ATP8A2: variants seen among roughly 807,000 people sequenced by gnomAD.
ATP8A2 encodes phospholipid-transporting ATPase IB.
In ATP8A2, 100 loss-of-function variants were observed where a neutral mutation model predicts 165.6. The observed-to-expected ratio is 0.60, with a 90% CI of 0.51 to 0.71. ATP8A2 has a LOEUF of 0.71. Among genes scored for constraint, ATP8A2 ranks in the 30% least tolerant of loss-of-function variants. The pLI, the probability that ATP8A2 is intolerant of heterozygous loss-of-function variation, is 0.00. For missense variants in ATP8A2, 1,227 were observed against 1,479.5 expected, an observed-to-expected ratio of 0.83 and a Z score of 2.80; for synonymous variants, 543 against 548.8, an observed-to-expected ratio of 0.99 and a Z score of 0.15.
intron 24 of ATP8A2, among the ~76,000 whole-genome samples, chr13:25,648,001 A>G (rs2041719076): frequency 6.6e-6 from 1 of 151,838 alleles, no homozygotes; most frequent in Non-Finnish European, 1.5e-5. Flanking sequence ...TTATTTCTTT[A>G]AATATGCTTT....
intron 25 of ATP8A2, among the ~76,000 whole-genome samples, chr13:25,757,093 A>T (rs1252336002): frequency 2.0e-5 from 3 of 152,098 alleles, no homozygotes; most frequent in African/African-American, 7.2e-5. Flanking sequence ...CTCTAGGGAG[A>T]CAATACACCT....
In ATP8A2 at chr13:25,543,375, T is replaced by C; in HGVS notation, c.864T>C (p.Tyr288=). The change falls in exon 10 of 37, where the codon TAT becomes TAC. Residue 288 remains tyrosine, a synonymous_variant. Transcript: ENST00000381655. The stretch of plus-strand genomic sequence containing the variant: ...AGTGGGTCTTTGGCATAGTTGTTTA[T>C]ACTGGACACGACACCAAACTCATGC... ...NTQWVFGIVV[Y]TGHDTKLMQN... 1 of 1,611,038 alleles carries C rather than the reference T, an allele frequency of 6.2e-7. No individual in the cohort carries two copies. Among genetic ancestry groups the C allele is most frequent in the Non-Finnish European group, 8.5e-7 (1 of 1,177,454 alleles).
chr13:25,813,613 A>G (rs1336762149), intron 27 of ATP8A2, among the ~76,000 whole-genome samples: 1 of 140,250 alleles, frequency 7.1e-6, no homozygotes, highest in African/African-American at 2.7e-5. Flanking sequence ...AGGACACTGA[A>G]TGGAATCTTG....
At chr13:25,442,654 A>T (rs1451895444) in intron 1 of ATP8A2, among the ~76,000 whole-genome samples, 1 of 152,150 alleles carries the variant, frequency 6.6e-6, no homozygotes, top group African/African-American at 2.4e-5. Flanking sequence ...TTCTAGGCTC[A>T]AGTGATCCTC....
chr13:25,554,664 T>C (rs2038926910), intron 12 of ATP8A2, among the ~76,000 whole-genome samples: 1 of 151,950 alleles, frequency 6.6e-6, no homozygotes, highest in Non-Finnish European at 1.5e-5. Context: ...GTTCAAGCGA[T>C]TCTCATGCGT....
chr13:25,879,364 A>C (rs1257634907), intron 33 of ATP8A2, among the ~76,000 whole-genome samples: 1 of 152,170 alleles, frequency 6.6e-6, no homozygotes, highest in Non-Finnish European at 1.5e-5. Context: ...AACTTTATTA[A>C]ATATGCCAGC....
Position 25,699,276 on chromosome 13 carries a change from C to G in ATP8A2, c.2315C>G (p.Ala772Gly), listed in dbSNP as rs373188486. The G allele has an allele frequency of 1.2e-6, 2 of 1,613,634 alleles. No individual in the cohort carries two copies. The highest frequency in any genetic ancestry group is 1.7e-6 in the Non-Finnish European group (2 of 1,179,810). ...ATCGATGGCCACACCCTGAAGTACGCGCTCTCCTTCGAAGTCCGGAGGAGT... is the reference window on the plus strand; with the variant it reads ...ATCGATGGCCACACCCTGAAGTACGGGCTCTCCTTCGAAGTCCGGAGGAGT... ...LIIDGHTLKY[A>G]LSFEVRRSFL... The change falls in exon 25 of 37, where the codon GCG becomes GGG. Residue 772 changes from alanine (A) to glycine (G), a missense_variant. Physicochemically the swap from Ala to Gly is moderately conservative, Grantham distance 60. This residue lies in a region of ATP8A2 where 592 missense variants were observed against 785.6 expected (regional missense o/e 0.75). Coordinates refer to ENST00000381655, the MANE Select transcript of ATP8A2 (RefSeq NM_016529.6).
chr13:25,774,047 T>C (rs1034540881), intron 26 of ATP8A2, among the ~76,000 whole-genome samples: 4 of 152,228 alleles, frequency 2.6e-5, no homozygotes, highest in Non-Finnish European at 4.4e-5. Flanking sequence ...TGTGTTTGCT[T>C]AGAGATATCT....
rs1037175976 is a variant in ATP8A2 at position 25,953,616 on chromosome 13, G to A, written c.3184-7959G>A. 1.3e-5 allele frequency among the ~76,000 whole-genome samples: 2 copies of A among 151,152 alleles called. No homozygotes were observed. The highest frequency in any genetic ancestry group is 4.2e-4 in the South Asian group (2 of 4,760). ...TGTAGCTCCCAGGGAGATCAAGGCA[G>A]ACAGCGAGTGATTTCTGCATTTCCA... On this transcript the variant is annotated intron_variant, in intron 33 of 36. Coordinates refer to ENST00000381655, the MANE Select transcript of ATP8A2 (RefSeq NM_016529.6). The surrounding 1 kb of genome is among the most constrained non-coding windows in gnomAD (Gnocchi z 6.7).
At chr13:25,869,019 A>T (rs1018406992) in intron 33 of ATP8A2, among the ~76,000 whole-genome samples, 14 of 143,474 alleles carry the variant, frequency 9.8e-5, no homozygotes, top group African/African-American at 3.6e-4. Flanking sequence ...CAGTGAGCCG[A>T]GATCGCGCCA....
Position 25,469,045 on chromosome 13 carries a change from G to C in ATP8A2, c.145G>C (p.Asp49His). The change falls in exon 2 of 37, where the codon GAC (aspartate) becomes CAC (histidine). Residue 49 changes from aspartate (D) to histidine (H), a missense_variant. By Grantham distance (81) the Asp-to-His change is moderately conservative. Around this residue, in one of 5 missense-constraint regions of ATP8A2, gnomAD observed 356 missense variants for 394.9 expected, o/e 0.90. Transcript: ENST00000381655. ...GATGTCCCGGGCCACGTCTGTTGGA[G>C]ACCAGCTGGAGGCACCCGCCCGCAC... ...DEMSRATSVG[D>H]QLEAPARTIY... 6.2e-7 allele frequency: 1 copy of C among 1,614,058 alleles called. No homozygotes were observed. Among genetic ancestry groups the C allele is most frequent in the Non-Finnish European group, 8.5e-7 (1 of 1,179,902 alleles).
At chr13:25,386,963 C>G (rs2033075222) in intron 1 of ATP8A2, among the ~76,000 whole-genome samples, 2 of 106,256 alleles carry the variant, frequency 1.9e-5, no homozygotes. Flanking sequence ...CGCCCTTGCA[C>G]TCCAGCCTGG....
At chr13:25,945,443 A>G (rs925282866) in intron 33 of ATP8A2, among the ~76,000 whole-genome samples, 2 of 152,236 alleles carry the variant, frequency 1.3e-5, no homozygotes, top group Admixed American at 6.5e-5. Context: ...CATTAAAATT[A>G]GAAAGCATTG....
At chr13:25,514,003 G>T (rs1272919533) in intron 2 of ATP8A2, among the ~76,000 whole-genome samples, 1 of 142,248 alleles carries the variant, frequency 7.0e-6, no homozygotes, top group African/African-American at 2.6e-5. Context: ...GGAGGGGGAG[G>T]GAGAGGGAGA....
intron 1 of ATP8A2, among the ~76,000 whole-genome samples, chr13:25,452,798 A>C (rs1168643062): frequency 1.3e-5 from 2 of 152,288 alleles, no homozygotes; most frequent in South Asian, 2.1e-4. Flanking sequence ...TTTTGAATTA[A>C]AAATAACTTA....
At chr13:25,876,098 T>C (rs1317851989) in intron 33 of ATP8A2, among the ~76,000 whole-genome samples, 2 of 152,178 alleles carry the variant, frequency 1.3e-5, no homozygotes, top group Non-Finnish European at 2.9e-5. Flanking sequence ...GACGCATAGA[T>C]AGCAGCCAGC....
At chr13:25,537,812 C>A (rs1022412070) in intron 6 of ATP8A2, among the ~76,000 whole-genome samples, 176 bp from the exon 7 acceptor site, 2 of 152,228 alleles carry the variant, frequency 1.3e-5, no homozygotes, top group Admixed American at 1.3e-4. Context: ...CCAGTGTCTG[C>A]ATGGAAGCAC....
chr13:25,748,358 C>T (rs190483422), intron 25 of ATP8A2, among the ~76,000 whole-genome samples: 1 of 152,306 alleles, frequency 6.6e-6, no homozygotes, highest in Admixed American at 6.5e-5. Context: ...CTCCTCAGGA[C>T]ACATCTGAAT....
intron 2 of ATP8A2, among the ~76,000 whole-genome samples, chr13:25,505,784 T>G (rs1462984468): frequency 4.6e-5 from 7 of 152,248 alleles, no homozygotes; most frequent in Non-Finnish European, 7.3e-5. Context: ...CTATATCATA[T>G]TCTATGATAA....
Sources: allele counts gnomAD v4.1 joint callset (sites outside exome capture counted in the v4.1 genomes callset), GRCh38; gene constraint gnomAD v4.1.1; regional missense constraint gnomAD v4.1.1; non-coding constraint Gnocchi (gnomAD v3.1); transcripts MANE v1.5; gene names NCBI Gene and HGNC (gene_info 2026-07-23, HGNC 2026-07-21).